SORCS2: variants seen among roughly 807,000 people sequenced by gnomAD.
SORCS2 encodes VPS10 domain-containing receptor SorCS2.
In SORCS2, 100 loss-of-function variants were observed where a neutral mutation model predicts 141.6. That is an observed-to-expected ratio of 0.71 (90% CI 0.60 to 0.83). The LOEUF is 0.83. Ranked by LOEUF, SORCS2 falls within the 40% of genes least tolerant of loss-of-function variation. SORCS2 has a pLI of 0.00. For missense variants in SORCS2, 1,646 were observed against 1,560.2 expected, an observed-to-expected ratio of 1.05 and a Z score of -0.93; for synonymous variants, 789 against 676.9, an observed-to-expected ratio of 1.17 and a Z score of -2.57.
intron 3 of SORCS2, among the ~76,000 whole-genome samples, chr4:7,621,018 G>T (rs993157423): frequency 1.3e-5 from 2 of 152,144 alleles, no homozygotes; most frequent in African/African-American, 4.8e-5. Flanking sequence ...CAGGCACGGG[G>T]GGGTTGCCGG....
chr4:7,460,868 G>A (rs968935097), intron 2 of SORCS2, among the ~76,000 whole-genome samples: 29 of 152,106 alleles, frequency 1.9e-4, no homozygotes, highest in Admixed American at 5.2e-4. Flanking sequence ...AGCCTGGGCC[G>A]TGCATCGGCT....
At chr4:7,323,803 C>T (rs1018193975) in intron 1 of SORCS2, among the ~76,000 whole-genome samples, 2 of 152,048 alleles carry the variant, frequency 1.3e-5, no homozygotes, top group African/African-American at 4.8e-5. Context: ...GGGAACAGAA[C>T]CCCCATCTCC....
intron 2 of SORCS2, among the ~76,000 whole-genome samples, chr4:7,447,929 T>G (rs535617375): frequency 2.6e-5 from 4 of 151,986 alleles, no homozygotes; most frequent in Admixed American, 2.6e-4. Flanking sequence ...GATGTGGCCT[T>G]CACACGCAGG....
Position 7,664,599 on chromosome 4 carries a change from C to A in SORCS2, c.1071+128C>A. 1.5e-6 allele frequency: 1 copy of A among 662,568 alleles called. No homozygotes were observed. The highest frequency in any genetic ancestry group is 2.6e-6 in the Non-Finnish European group (1 of 388,118). The allele number at this position is 662,568 out of a possible 1,614,324, so 41.0% of individuals were successfully genotyped here. ...GGTATTTCACTCTCAAATGCTACTTCGCAGGTCACGGTTTCTGACCGTGGC... is the reference window on the plus strand; with the variant it reads ...GGTATTTCACTCTCAAATGCTACTTAGCAGGTCACGGTTTCTGACCGTGGC... On this transcript the variant is annotated intron_variant, in intron 7 of 26. Coordinates refer to ENST00000507866, the MANE Select transcript of SORCS2 (RefSeq NM_020777.3). The surrounding 1 kb of genome is among the most constrained non-coding windows in gnomAD (Gnocchi z 4.7).
At chr4:7,702,799 G>A (rs1725169415) in intron 12 of SORCS2, among the ~76,000 whole-genome samples, 2 of 152,370 alleles carry the variant, frequency 1.3e-5, no homozygotes, top group South Asian at 2.1e-4. Flanking sequence ...CATAGTAAGT[G>A]TTGGGCCAGG....
rs1260371653 is a variant in SORCS2 at position 7,725,155 on chromosome 4, C to A, written c.2613C>A (p.Ser871=). 6.2e-7 allele frequency: 1 copy of A among 1,612,822 alleles called. No homozygotes were observed. Among genetic ancestry groups the A allele is most frequent in the Non-Finnish European group, 8.5e-7 (1 of 1,179,264 alleles). Residue 871 remains serine, a splice_region_variant and synonymous_variant, in exon 20 of 27, where the codon TCC becomes TCA. Transcript: ENST00000507866. Reference sequence around the variant, plus strand: ...CCTGGCCTTTTTGGGTCCCCACAGCCCCCCTGCAGGCCCTCTACCTGGAGG... The same window carrying A: ...CCTGGCCTTTTTGGGTCCCCACAGCACCCCTGCAGGCCCTCTACCTGGAGG... ...DEAVLFVQVN[S]PLQALYLEVV...
chr4:7,507,508 G>A (rs532016044), intron 2 of SORCS2, among the ~76,000 whole-genome samples: 13 of 152,302 alleles, frequency 8.5e-5, no homozygotes, highest in African/African-American at 2.6e-4. Context: ...AGAAGAATAA[G>A]TGTCTAAGAA....
chr4:7,267,628 C>G (rs915278657), intron 1 of SORCS2, among the ~76,000 whole-genome samples: 2 of 152,174 alleles, frequency 1.3e-5, no homozygotes, highest in Admixed American at 6.5e-5. Flanking sequence ...GTCAGGAGTT[C>G]GAGACCAGCC....
chr4:7,537,922 C>A (rs1277599231), intron 3 of SORCS2, among the ~76,000 whole-genome samples: 2 of 152,074 alleles, frequency 1.3e-5, no homozygotes, highest in East Asian at 3.9e-4. Flanking sequence ...AGAGGTTGAG[C>A]CTGCCGTGAT....
At chr4:7,733,266 T>C (rs1336349490) in intron 23 of SORCS2, 56 bp from the exon 24 acceptor site, 15 of 1,229,648 alleles carry the variant, frequency 1.2e-5, no homozygotes, top group Middle Eastern at 2.3e-4. Flanking sequence ...CCCCCTTCCC[T>C]TTTGGCAGAG....
intron 1 of SORCS2, among the ~76,000 whole-genome samples, chr4:7,207,047 G>A (rs527461039): frequency 6.6e-6 from 1 of 152,066 alleles, no homozygotes. Flanking sequence ...CCCGCACCTA[G>A]CATCACCCAC....
intron 1 of SORCS2, among the ~76,000 whole-genome samples, chr4:7,241,674 G>A (rs1034097262): frequency 3.3e-4 from 51 of 152,246 alleles, no homozygotes; most frequent in East Asian, 9.6e-4. Flanking sequence ...TCTGACAGTT[G>A]CCAGCACACG....
Position 7,306,317 on chromosome 4 carries a change from G to A in SORCS2, c.481-89971G>A, listed in dbSNP as rs573931394. Among the ~76,000 whole-genome samples, 146 of 152,242 alleles carry A rather than the reference G, an allele frequency of 9.6e-4. 1 individual carries two copies. The highest frequency in any genetic ancestry group is 3.4e-3 in the African/African-American group (142 of 41,546). On this transcript the variant is annotated intron_variant, in intron 1 of 26. Coordinates refer to ENST00000507866, the MANE Select transcript of SORCS2 (RefSeq NM_020777.3). ...CTTGTTGATGGTCCGAGGGTGGAGG[G>A]GGAGGGCGGCATCTGGAAGGAAGTC...
At position 7,413,391 on chromosome 4, in the gene SORCS2, C is replaced by CTTTTTTTTTTTTTTT. The variant is rs34379092; in HGVS notation, c.548+17042_548+17056dup. Among the ~76,000 whole-genome samples, 845 of 84,800 alleles carry CTTTTTTTTTTTTTTT rather than the reference C, an allele frequency of 1.0e-2. 130 individuals are homozygous for CTTTTTTTTTTTTTTT. Among genetic ancestry groups the CTTTTTTTTTTTTTTT allele is most frequent in the Non-Finnish European group, 0.014 (645 of 45,588 alleles). 55.6% of individuals were successfully genotyped at this position (84,800 alleles called of 152,430 possible). On this transcript the variant is annotated intron_variant, in intron 2 of 26. Transcript: ENST00000507866. ...ATGATCCTCCGTATTTTCACAGCTG[C>CTTTTTTTTTTTTTTT]TTTTTTTTTTTTTTTTTTTTGAGAT...
chr4:7,561,302 G>A (rs531627850), intron 3 of SORCS2, among the ~76,000 whole-genome samples: 1 of 151,848 alleles, frequency 6.6e-6, no homozygotes, highest in African/African-American at 2.4e-5. Flanking sequence ...AGGCCAGGTA[G>A]GAACCTAGGA....
At chr4:7,203,468 G>A (rs764852359) in intron 1 of SORCS2, among the ~76,000 whole-genome samples, 13 of 147,510 alleles carry the variant, frequency 8.8e-5, no homozygotes, top group Admixed American at 2.1e-4. Flanking sequence ...GCAGTGAGCC[G>A]AGATCGTGCC....
At chr4:7,485,856 G>T (rs1246932513) in intron 2 of SORCS2, among the ~76,000 whole-genome samples, 3 of 152,162 alleles carry the variant, frequency 2.0e-5, no homozygotes, top group African/African-American at 7.2e-5. Context: ...GGAGAGAAAG[G>T]ACTGAGTAGG....
At chr4:7,372,344 T>C (rs565494394) in intron 1 of SORCS2, among the ~76,000 whole-genome samples, 1 of 152,344 alleles carries the variant, frequency 6.6e-6, no homozygotes, top group Non-Finnish European at 1.5e-5. Flanking sequence ...TTCACTCTTG[T>C]TGCCCAGGCT....
rs376402774 is a variant in SORCS2 at position 7,629,210 on chromosome 4, C to T, written c.649-9118C>T. ...ACATACATATATCAAAATAGCACAT[C>T]GTAACCACAAGTGTATACAATTATG... is the stretch of plus-strand genomic sequence containing the variant. On this transcript the variant is annotated intron_variant, in intron 3 of 26. Coordinates refer to ENST00000507866, the MANE Select transcript of SORCS2 (RefSeq NM_020777.3). Among the ~76,000 whole-genome samples the T allele has an allele frequency of 1.8e-4, 28 of 152,082 alleles. No homozygotes were observed. The East Asian group carries it at 4.8e-3, about 26-fold the overall frequency.
Sources: gnomAD v4.1 joint callset for allele counts (sites outside exome capture counted in the v4.1 genomes callset) on GRCh38, gnomAD v4.1.1 for gene constraint, Gnocchi (gnomAD v3.1) non-coding constraint, MANE v1.5 for transcripts, NCBI Gene and HGNC (gene_info 2026-07-23, HGNC 2026-07-21) for gene names.